Variants in GINM1 observed in about 807,000 individuals in gnomAD.
GINM1 encodes glycosylated integral membrane protein 1, also known as glycoprotein integral membrane protein 1.
A neutral mutation model predicts 37.8 loss-of-function variants in GINM1; 29 were observed. The observed-to-expected ratio is 0.77, with a 90% CI of 0.57 to 1.05. The LOEUF is 1.05. Among genes scored for constraint, GINM1 ranks in the 50% least tolerant of loss-of-function variants. The pLI is 0.00. For synonymous variants in GINM1, 143 were observed against 146.2 expected, an observed-to-expected ratio of 0.98 and a Z score of 0.16; for missense variants, 377 against 397.9, an observed-to-expected ratio of 0.95 and a Z score of 0.45.
At chr6:149,574,380 T>C (rs1371944078) in intron 3 of GINM1, among the ~76,000 whole-genome samples, 1 of 152,208 alleles carries the variant, frequency 6.6e-6, no homozygotes. Flanking sequence ...GTCTGTCTTT[T>C]AGTTGGGATT....
At chr6:149,569,698 G>C (rs1238113216) in intron 1 of GINM1, among the ~76,000 whole-genome samples, 2 of 152,164 alleles carry the variant, frequency 1.3e-5, no homozygotes, top group Non-Finnish European at 2.9e-5. Flanking sequence ...TCACCAAAGA[G>C]AGGCATTCGG....
intron 3 of GINM1, among the ~76,000 whole-genome samples, chr6:149,573,718 T>C (rs1289443787): frequency 1.3e-5 from 2 of 151,320 alleles, no homozygotes; most frequent in Non-Finnish European, 2.9e-5. Flanking sequence ...AATACAAAAA[T>C]AAATTAGCTG....
chr6:149,581,017 G>A (rs913355647), intron 6 of GINM1, among the ~76,000 whole-genome samples: 3 of 152,042 alleles, frequency 2.0e-5, no homozygotes, highest in East Asian at 1.9e-4. Context: ...TTCTGTACCC[G>A]CTACCTCGCA....
intron 7 of GINM1, among the ~76,000 whole-genome samples, chr6:149,588,277 T>G (rs1275422716): frequency 6.6e-6 from 1 of 152,230 alleles, no homozygotes; most frequent in Non-Finnish European, 1.5e-5. Flanking sequence ...TCTTTGCTAG[T>G]TTAGGTCTGG....
intron 7 of GINM1, among the ~76,000 whole-genome samples, chr6:149,585,592 T>TTATG: frequency 6.6e-6 from 1 of 152,004 alleles, no homozygotes; most frequent in Non-Finnish European, 1.5e-5. Flanking sequence ...TTTTTATTTT[T>TTATG]TATTTATTTA....
At chr6:149,590,406 A>G (rs1055908160) in intron 7 of GINM1, among the ~76,000 whole-genome samples, 4 of 152,240 alleles carry the variant, frequency 2.6e-5, no homozygotes, top group African/African-American at 9.6e-5. Context: ...TATTATTTAG[A>G]GAGAGGCTTA....
intron 7 of GINM1, among the ~76,000 whole-genome samples, chr6:149,586,443 T>C (rs905495774): frequency 4.6e-5 from 7 of 152,110 alleles, no homozygotes; most frequent in Admixed American, 1.3e-4. Context: ...ACCTCCAACA[T>C]AGGGGATTAA....
At chr6:149,578,525 C>CAAAAAAAAA (rs145601764) in intron 3 of GINM1, among the ~76,000 whole-genome samples, 2 of 71,420 alleles carry the variant, frequency 2.8e-5, no homozygotes, top group Non-Finnish European at 5.8e-5. Context: ...GACTCCATCT[C>CAAAAAAAAA]AAAAAAAAAA....
chr6:149,576,486 C>T (rs1054541375), intron 3 of GINM1, among the ~76,000 whole-genome samples: 4 of 152,172 alleles, frequency 2.6e-5, no homozygotes, highest in East Asian at 1.9e-4. Flanking sequence ...TGCATTGGCT[C>T]ATGCCTGTAA....
At chr6:149,577,058 C>T (rs538698178) in intron 3 of GINM1, among the ~76,000 whole-genome samples, 1 of 152,272 alleles carries the variant, frequency 6.6e-6, no homozygotes, top group South Asian at 2.1e-4. Flanking sequence ...GGTGCCGTAA[C>T]CCCAAGCCAT....
At chr6:149,581,900 C>T (rs1778008360) in intron 6 of GINM1, among the ~76,000 whole-genome samples, 1 of 152,170 alleles carries the variant, frequency 6.6e-6, no homozygotes, top group South Asian at 2.1e-4. Flanking sequence ...GCAGCTCAGC[C>T]CCAGAGCAGA....
chr6:149,567,121 C>T (rs916003466), intron 1 of GINM1, among the ~76,000 whole-genome samples: 9 of 152,204 alleles, frequency 5.9e-5, no homozygotes, highest in African/African-American at 2.2e-4. Context: ...TGTCCGCATC[C>T]CCTGGGGACT....
chr6:149,589,438 A>G (rs1345839851), intron 7 of GINM1, among the ~76,000 whole-genome samples: 5 of 150,892 alleles, frequency 3.3e-5, no homozygotes, highest in African/African-American at 9.7e-5. Context: ...ACAGCCGGCT[A>G]ATTTATGTAT....
chr6:149,577,107 G>A (rs1230320934), intron 3 of GINM1, among the ~76,000 whole-genome samples: 2 of 152,162 alleles, frequency 1.3e-5, no homozygotes, highest in Non-Finnish European at 2.9e-5. Context: ...CTCCCACCAG[G>A]CCCCGCCTCC....
At chr6:149,585,748 A>T (rs1778061500) in intron 7 of GINM1, among the ~76,000 whole-genome samples, 1 of 151,906 alleles carries the variant, frequency 6.6e-6, no homozygotes, top group Admixed American at 6.6e-5. Context: ...ACCCACCACC[A>T]CGCCCAGCTA....
At chr6:149,569,224 T>C (rs1777770692) in intron 1 of GINM1, among the ~76,000 whole-genome samples, 1 of 151,454 alleles carries the variant, frequency 6.6e-6, no homozygotes, top group Admixed American at 6.6e-5. Context: ...TTAGTAGAGA[T>C]GGGGTTTCAC....
chr6:149,572,643 TTG>T (rs1206406585), intron 3 of GINM1, 40 bp downstream of exon 3: 3 of 1,172,026 alleles, frequency 2.6e-6, no homozygotes, highest in South Asian at 1.2e-5. Flanking sequence ...GCTCTGTTTT[TTG>T]TGTGTTTGTT....
At chr6:149,582,657 A>G in intron 7 of GINM1, 54 bp downstream of exon 7, 1 of 1,241,476 alleles carries the variant, frequency 8.1e-7, no homozygotes, top group Non-Finnish European at 1.1e-6. Flanking sequence ...AAAAAGTGAG[A>G]CATATTTGCT....
In GINM1 at chr6:149,572,588, T is replaced by C. The variant is rs765049479; in HGVS notation, c.262T>C (p.Cys88Arg). ...PVNSGVTRIS[C>R]QTLIVKNENL... ...AAATAGTGGTGTAACCCGAATAAGC[T>C]GTCAGACTTTGATAGGTGAGTATTA... Residue 88 changes from cysteine (C) to arginine (R), a missense_variant, in exon 3 of 8, where the codon TGT becomes CGT. Transcript: ENST00000367419. 1.9e-6 allele frequency: 3 copies of C among 1,576,494 alleles called. No homozygotes were observed. The highest frequency in any genetic ancestry group is 2.6e-6 in the Non-Finnish European group (3 of 1,146,788).
Sources: gnomAD v4.1 joint callset for allele counts (sites outside exome capture counted in the v4.1 genomes callset) on GRCh38, gnomAD v4.1.1 for gene constraint, MANE v1.5 for transcripts, NCBI Gene and HGNC (gene_info 2026-07-23, HGNC 2026-07-21) for gene names.